Variants in PLCB1 observed in about 807,000 individuals in gnomAD.
PLCB1 encodes the protein 1-phosphatidylinositol 4,5-bisphosphate phosphodiesterase beta-1.
In PLCB1, 46 loss-of-function variants were observed where a neutral mutation model predicts 161.8. The observed-to-expected ratio is 0.28, with a 90% CI of 0.22 to 0.36. The LOEUF (loss-of-function observed/expected upper bound fraction) is 0.36. Ranked by LOEUF, PLCB1 falls within the 10% of genes least tolerant of loss-of-function variation. The probability of loss-of-function intolerance (pLI) is 1.00; values close to 1 mark genes in which losing one functional copy is unlikely to be tolerated. For missense variants in PLCB1, 1,016 were observed against 1,472.5 expected (o/e 0.69, Z 5.07); for synonymous variants, 517 against 503.7 (o/e 1.03, Z -0.35).
chr20:8,674,351 T>C (rs149788335), intron 9 of PLCB1, among the ~76,000 whole-genome samples: 7 of 152,166 alleles, frequency 4.6e-5, no homozygotes, highest in Non-Finnish European at 8.8e-5. Context: ...TCAAAACAAG[T>C]CTCTCTCTCT....
rs796581468 is a variant in PLCB1, at chr20:8,628,435, T to C, written c.384+4T>C. The C allele has an allele frequency of 1.2e-6, 2 of 1,613,980 alleles. No homozygotes were observed. The highest frequency in any genetic ancestry group is 1.3e-5 in the African/African-American group (1 of 75,012). On this transcript the variant is annotated splice_donor_region_variant and intron_variant, in intron 4 of 31. Transcript: ENST00000338037. ...TTTCCAAGAAGAAGTGGCCAAGGTATGGTGGATGGAAATTGCTAAAGCTTA... is the reference window on the plus strand; with the variant it reads ...TTTCCAAGAAGAAGTGGCCAAGGTACGGTGGATGGAAATTGCTAAAGCTTA...
At chr20:8,681,443 T>C (rs1990218482) in intron 9 of PLCB1, among the ~76,000 whole-genome samples, 1 of 152,166 alleles carries the variant, frequency 6.6e-6, no homozygotes, top group South Asian at 2.1e-4. Context: ...CCTATGTTGT[T>C]GTTTTTTCTT....
intron 20 of PLCB1, among the ~76,000 whole-genome samples, chr20:8,738,625 A>G (rs1320550646): frequency 6.6e-6 from 1 of 152,246 alleles, no homozygotes; most frequent in African/African-American, 2.4e-5. Flanking sequence ...TAAAACCACT[A>G]AACTCTTTTT....
chr20:8,282,772 G>A (rs1476510508), intron 2 of PLCB1, among the ~76,000 whole-genome samples: 2 of 152,078 alleles, frequency 1.3e-5, no homozygotes, highest in Non-Finnish European at 2.9e-5. Context: ...TGTCCCAACT[G>A]CTTTTAATTA....
At chr20:8,547,295 T>C (rs1333006668) in intron 3 of PLCB1, among the ~76,000 whole-genome samples, 1 of 152,204 alleles carries the variant, frequency 6.6e-6, no homozygotes. Context: ...AAATAAACAA[T>C]TATGGCATTT....
chr20:8,229,005 A>T (rs1432801927), intron 2 of PLCB1, among the ~76,000 whole-genome samples: 1 of 152,138 alleles, frequency 6.6e-6, no homozygotes, highest in Non-Finnish European at 1.5e-5. Context: ...TCTAGCTGTA[A>T]TTTTGTGTCC....
At chr20:8,841,029 T>C (rs1173859065) in intron 31 of PLCB1, among the ~76,000 whole-genome samples, 1 of 152,094 alleles carries the variant, frequency 6.6e-6, no homozygotes, top group Non-Finnish European at 1.5e-5. Flanking sequence ...GTAGAGATGG[T>C]GTTTTACCAT....
In PLCB1 at chr20:8,509,813, C is replaced by T. The variant is rs760615771; in HGVS notation, c.247-118481C>T. Among the ~76,000 whole-genome samples, 136 of 152,112 alleles carry T rather than the reference C, an allele frequency of 8.9e-4. 2 individuals carry two copies. Among genetic ancestry groups the T allele is most frequent in the Non-Finnish European group, 2.2e-4 (15 of 68,022 alleles). ...TGAAGATGGTTGAGGTGACTACACC[C>T]TATGCTTCCTTCTGAAGTTTCGGGA... On this transcript the variant is annotated intron_variant, in intron 3 of 31. Coordinates refer to ENST00000338037, the MANE Select transcript of PLCB1 (RefSeq NM_015192.4).
intron 3 of PLCB1, among the ~76,000 whole-genome samples, chr20:8,619,435 GA>G (rs796503096): frequency 1.3e-5 from 2 of 150,146 alleles, no homozygotes; most frequent in Non-Finnish European, 3.0e-5. Context: ...AAAAAAAAAA[GA>G]AAAAAAGAAA....
chr20:8,607,587 T>C (rs778151373), intron 3 of PLCB1, among the ~76,000 whole-genome samples: 1 of 152,200 alleles, frequency 6.6e-6, no homozygotes, highest in Non-Finnish European at 1.5e-5. Flanking sequence ...CTCCAGACTT[T>C]GGTGTAGCCC....
chr20:8,393,562 G>A (rs557823583), intron 3 of PLCB1, among the ~76,000 whole-genome samples: 14 of 152,198 alleles, frequency 9.2e-5, no homozygotes, highest in Middle Eastern at 3.4e-3. Flanking sequence ...AGGCTGAGGC[G>A]GGAGGATTTC....
intron 2 of PLCB1, among the ~76,000 whole-genome samples, chr20:8,321,062 C>G (rs2662997): frequency 0.012 from 1,795 of 152,048 alleles, 33 homozygotes; most frequent in African/African-American, 0.04. Flanking sequence ...ATAATGGATT[C>G]CAATATTTTT....
At chr20:8,509,908 A>G (rs551295490) in intron 3 of PLCB1, among the ~76,000 whole-genome samples, 7 of 152,336 alleles carry the variant, frequency 4.6e-5, no homozygotes, top group African/African-American at 1.7e-4. Flanking sequence ...TGACTGGTGT[A>G]AGTACAAAAA....
chr20:8,240,474 A>G lies in PLCB1; in HGVS notation c.177+90103A>G, dbSNP rs1490218705. ...TATTTGATGCACAATATTTCATCACATGGATGCGCCATCATTTTTTTCACT... is the reference window on the plus strand; with the variant it reads ...TATTTGATGCACAATATTTCATCACGTGGATGCGCCATCATTTTTTTCACT... On this transcript the variant is annotated intron_variant, in intron 2 of 31. Coordinates refer to ENST00000338037, the MANE Select transcript of PLCB1 (RefSeq NM_015192.4). 3.3e-5 allele frequency among the ~76,000 whole-genome samples: 5 copies of G among 152,118 alleles called. No individual in the cohort carries two copies. The East Asian group carries it at 9.7e-4, about 29-fold the overall frequency.
rs147485091 is a variant in PLCB1 at position 8,251,269 on chromosome 20, A to C, written c.177+100898A>C. ...ACGATCACAGTGGGAGTTAAGTTTCAACATAGGAATTTGGGGGGAACACAA... is the reference window on the plus strand; with the variant it reads ...ACGATCACAGTGGGAGTTAAGTTTCCACATAGGAATTTGGGGGGAACACAA... On this transcript the variant is annotated intron_variant, in intron 2 of 31. Coordinates refer to ENST00000338037, the MANE Select transcript of PLCB1 (RefSeq NM_015192.4). Among the ~76,000 whole-genome samples the C allele has an allele frequency of 7.1e-3, 1,087 of 152,074 alleles. 7 individuals carry two copies. The highest frequency in any genetic ancestry group is 0.011 in the Non-Finnish European group (720 of 67,932).
intron 31 of PLCB1, among the ~76,000 whole-genome samples, chr20:8,811,522 A>G (rs891818990): frequency 4.6e-5 from 7 of 152,246 alleles, no homozygotes; most frequent in African/African-American, 1.7e-4. Flanking sequence ...AGAACAAGAA[A>G]AAGATATTTC....
intron 3 of PLCB1, among the ~76,000 whole-genome samples, chr20:8,597,009 C>T (rs1272554834): frequency 9.4e-5 from 14 of 149,640 alleles, no homozygotes; most frequent in African/African-American, 3.4e-4. Flanking sequence ...TGGGCTGAGA[C>T]AATGGGGTTT....
At chr20:8,772,631 C>G (rs1982746598) in intron 26 of PLCB1, among the ~76,000 whole-genome samples, 1 of 152,116 alleles carries the variant, frequency 6.6e-6, no homozygotes, top group African/African-American at 2.4e-5. Context: ...CAATGATTTC[C>G]TGCTATATAA....
At chr20:8,605,415 T>C (rs1479880850) in intron 3 of PLCB1, among the ~76,000 whole-genome samples, 1 of 152,082 alleles carries the variant, frequency 6.6e-6, no homozygotes, top group Non-Finnish European at 1.5e-5. Context: ...TGAACACACT[T>C]AATACTTCAT....
Sources: gnomAD v4.1 joint callset for allele counts (sites outside exome capture counted in the v4.1 genomes callset) on GRCh38, gnomAD v4.1.1 for gene constraint, MANE v1.5 for transcripts, NCBI Gene and HGNC (gene_info 2026-07-23, HGNC 2026-07-21) for gene names.